TSC22D2: variants seen among roughly 807,000 people sequenced by gnomAD.
TSC22D2 encodes TSC22 domain family member 2.
In TSC22D2, 5 loss-of-function variants were observed where a neutral mutation model predicts 50.1. That is an observed-to-expected ratio of 0.10 (90% CI 0.05 to 0.21). The LOEUF is 0.21. Among genes scored for constraint, TSC22D2 ranks in the 10% least tolerant of loss-of-function variants. The pLI, the probability that TSC22D2 is intolerant of heterozygous loss-of-function variation, is 1.00. For synonymous variants in TSC22D2, 501 were observed against 450.1 expected (o/e 1.11, Z -1.43); for missense variants, 1,003 against 1,015.5 (o/e 0.99, Z 0.17).
chr3:150,460,831 C>T lies in TSC22D2; in HGVS notation c.*2195C>T, dbSNP rs1721375877. Reference sequence around the variant, plus strand: ...AATAGATTCCATTTTGATTCTGGGGCTGGAAAAACACTTCATAAACAAAGT... The same window carrying T: ...AATAGATTCCATTTTGATTCTGGGGTTGGAAAAACACTTCATAAACAAAGT... On this transcript the variant is annotated 3_prime_UTR_variant, in exon 3 of 3. Transcript: ENST00000688009. The T allele has an allele frequency of 6.6e-6, 1 of 150,450 alleles. No individual in the cohort carries two copies. The highest frequency in any genetic ancestry group is 1.5e-5 in the Non-Finnish European group (1 of 67,646). 9.3% of individuals were successfully genotyped at this position (150,450 alleles called of 1,614,324 possible). A position where few individuals can be genotyped will look rare whatever the true frequency, so the allele number is the denominator to read the frequency against.
Position 150,465,162 on chromosome 3 carries a change from A to C in TSC22D2, c.*6526A>C, listed in dbSNP as rs1349503250. ...AGCATAACAATTTAGAAGAAATATA[A>C]AGTTAGATCTTTCACAAAAATTAAT... is the stretch of plus-strand genomic sequence containing the variant. On this transcript the variant is annotated 3_prime_UTR_variant, in exon 3 of 3. Coordinates refer to ENST00000688009, the MANE Select transcript of TSC22D2 (RefSeq NM_001303264.2). The C allele has an allele frequency of 6.6e-6, 1 of 152,214 alleles. No homozygotes were observed. The highest frequency in any genetic ancestry group is 1.5e-5 in the Non-Finnish European group (1 of 68,022). The allele number at this position is 152,214 out of a possible 1,614,324, so 9.4% of individuals were successfully genotyped here.
chr3:150,419,028 A>G (rs937170301), intron 1 of TSC22D2, among the ~76,000 whole-genome samples: 1 of 152,050 alleles, frequency 6.6e-6, no homozygotes, highest in Non-Finnish European at 1.5e-5. Flanking sequence ...CATTTGGTAC[A>G]TGTTGAGATA....
chr3:150,416,841 AG>A (rs1401249861), intron 1 of TSC22D2, among the ~76,000 whole-genome samples: 2 of 152,140 alleles, frequency 1.3e-5, no homozygotes, highest in Non-Finnish European at 2.9e-5. Flanking sequence ...CTCTTAAATC[AG>A]GTGAATTAAA....
At chr3:150,419,648 T>G (rs1719940042) in intron 1 of TSC22D2, among the ~76,000 whole-genome samples, 1 of 152,172 alleles carries the variant, frequency 6.6e-6, no homozygotes, top group African/African-American at 2.4e-5. Flanking sequence ...TTGTACTTAG[T>G]TACCCTACAA....
In TSC22D2 at chr3:150,411,151, C is replaced by T. The variant is rs760290092; in HGVS notation, c.1801C>T (p.Leu601=). The T allele has an allele frequency of 1.2e-6, 2 of 1,614,176 alleles. No homozygotes were observed. The highest frequency in any genetic ancestry group is 1.6e-4 in the Middle Eastern group (1 of 6,062). ...VDDTRRKSEP[L]PQPPLSLIAE... ...CGATACTAGAAGAAAATCAGAACCC[C>T]TACCTCAACCACCACTTTCTCTCAT... Residue 601 remains leucine (L), a synonymous_variant, in exon 1 of 3, where the codon CTA becomes TTA. Coordinates refer to ENST00000688009, the MANE Select transcript of TSC22D2 (RefSeq NM_001303264.2).
rs1721308276 is a variant in TSC22D2 at position 150,459,529 on chromosome 3, C to T, written c.*893C>T. ...GAAATTGTTCAACCTACTTTGTAACCAAAGAAGCAAAGCTGTGTAATGGAG... is the reference window on the plus strand; with the variant it reads ...GAAATTGTTCAACCTACTTTGTAACTAAAGAAGCAAAGCTGTGTAATGGAG... On this transcript the variant is annotated 3_prime_UTR_variant, in exon 3 of 3. Transcript: ENST00000688009. The T allele has an allele frequency of 6.7e-6, 1 of 149,172 alleles. No individual in the cohort carries two copies. Among genetic ancestry groups the T allele is most frequent in the Admixed American group, 6.7e-5 (1 of 14,912 alleles). 9.2% of individuals were successfully genotyped at this position (149,172 alleles called of 1,614,324 possible).
intron 1 of TSC22D2, among the ~76,000 whole-genome samples, chr3:150,456,180 G>GTTTTTTTTTTTTTT (rs10603156): frequency 7.1e-6 from 1 of 140,822 alleles, no homozygotes. Context: ...GTTTCTTTTT[G>GTTTTTTTTTTTTTT]TTTTTTTTTT....
At chr3:150,449,931 T>C (rs1437188845) in intron 1 of TSC22D2, among the ~76,000 whole-genome samples, 6 of 152,150 alleles carry the variant, frequency 3.9e-5, no homozygotes, top group Admixed American at 3.9e-4. Flanking sequence ...CTATTGGGCA[T>C]CTGGTCTTAA....
intron 1 of TSC22D2, among the ~76,000 whole-genome samples, chr3:150,455,563 C>T (rs565605973): frequency 6.6e-6 from 1 of 152,294 alleles, no homozygotes; most frequent in East Asian, 1.9e-4. Context: ...TCCATTGAGG[C>T]ATTGACATCA....
intron 1 of TSC22D2, among the ~76,000 whole-genome samples, chr3:150,440,923 A>T (rs990076802): frequency 2.6e-5 from 4 of 151,890 alleles, no homozygotes; most frequent in African/African-American, 9.7e-5. Context: ...CTCCTGAGTG[A>T]TGTTGAAATA....
intron 2 of TSC22D2, 32 bp downstream of exon 2, chr3:150,457,159 T>G: frequency 1.3e-6 from 2 of 1,597,166 alleles, no homozygotes; most frequent in Non-Finnish European, 1.7e-6. Context: ...TCCCATTTCA[T>G]AGATTGTTGG....
chr3:150,428,217 C>A (rs745721845), intron 1 of TSC22D2, among the ~76,000 whole-genome samples: 4 of 152,050 alleles, frequency 2.6e-5, no homozygotes, highest in Non-Finnish European at 5.9e-5. Flanking sequence ...CAAATTTCCA[C>A]CTTTTCTGCA....
chr3:150,431,939 A>G (rs1720394865), intron 1 of TSC22D2, among the ~76,000 whole-genome samples: 1 of 152,196 alleles, frequency 6.6e-6, no homozygotes, highest in Admixed American at 6.5e-5. Context: ...TTACATCACC[A>G]CTTGGGTTTG....
chr3:150,436,805 C>T (rs922389538), intron 1 of TSC22D2, among the ~76,000 whole-genome samples: 2 of 152,166 alleles, frequency 1.3e-5, no homozygotes, highest in Admixed American at 1.3e-4. Context: ...AATAGTTTTT[C>T]AGACTACGTG....
chr3:150,438,144 A>G (rs1278463210), intron 1 of TSC22D2: 6 of 322,718 alleles, frequency 1.9e-5, no homozygotes, highest in Non-Finnish European at 4.1e-5. Flanking sequence ...TTGCTATAAA[A>G]GATTTTTAAA....
At chr3:150,435,284 T>C (rs1422138106) in intron 1 of TSC22D2, among the ~76,000 whole-genome samples, 1 of 152,192 alleles carries the variant, frequency 6.6e-6, no homozygotes, top group East Asian at 1.9e-4. Context: ...TCCGGCCTTT[T>C]TATATGTTAA....
intron 1 of TSC22D2, among the ~76,000 whole-genome samples, chr3:150,451,192 A>G (rs1391839192): frequency 1.3e-5 from 2 of 152,226 alleles, no homozygotes; most frequent in African/African-American, 4.8e-5. Flanking sequence ...ACTCAATGCA[A>G]AGTTAGAGGA....
chr3:150,449,416 C>A (rs1188078850), intron 1 of TSC22D2, among the ~76,000 whole-genome samples: 3 of 152,084 alleles, frequency 2.0e-5, no homozygotes, highest in Non-Finnish European at 4.4e-5. Context: ...CAGCCACTTT[C>A]TTAATGTGTG....
At position 150,460,769 on chromosome 3, in the gene TSC22D2, GGAGAAAAAC is replaced by G. The variant is rs1721372695; in HGVS notation, c.*2134_*2142del. 8.3e-6 allele frequency: 1 copy of G among 120,806 alleles called. No individual in the cohort carries two copies. Among genetic ancestry groups the G allele is most frequent in the Non-Finnish European group, 1.9e-5 (1 of 52,372 alleles). The allele number at this position is 120,806 out of a possible 1,614,324, so 7.5% of individuals were successfully genotyped here. A position where few individuals can be genotyped will look rare whatever the true frequency, so the allele number is the denominator to read the frequency against. ...GTGACATGTGATATTTAATACAGGTGGAGAAAAACTAGTCTTAGAAATGGGATTTTTGTG... is the reference window on the plus strand; with the variant it reads ...GTGACATGTGATATTTAATACAGGTGTAGTCTTAGAAATGGGATTTTTGTG... On this transcript the variant is annotated 3_prime_UTR_variant, in exon 3 of 3. Transcript: ENST00000688009.
Sources: allele counts gnomAD v4.1 joint callset (sites outside exome capture counted in the v4.1 genomes callset), GRCh38; gene constraint gnomAD v4.1.1; transcripts MANE v1.5; gene names NCBI Gene and HGNC (gene_info 2026-07-23, HGNC 2026-07-21).